Variants in CPNE4 observed in about 807,000 individuals in gnomAD.
The protein encoded by CPNE4 is copine-4.
Under a neutral mutation model 67.9 loss-of-function variants are expected in CPNE4, and 25 were observed. That is an observed-to-expected ratio of 0.37 (90% CI 0.27 to 0.51). The LOEUF is 0.51. Among genes scored for constraint, CPNE4 ranks in the 20% least tolerant of loss-of-function variants. CPNE4 has a pLI of 0.93. For missense variants in CPNE4, 464 were observed against 690.8 expected (o/e 0.67, Z 3.68); for synonymous variants, 242 against 244.9 (o/e 0.99, Z 0.11).
intron 7 of CPNE4, among the ~76,000 whole-genome samples, chr3:131,601,860 G>A (rs1176613385): frequency 6.6e-6 from 1 of 152,156 alleles, no homozygotes; most frequent in Non-Finnish European, 1.5e-5. Flanking sequence ...TGCGGGGGAT[G>A]TTGTAGAGAA....
chr3:131,991,712 A>C (rs2073178294), intron 1 of CPNE4, among the ~76,000 whole-genome samples: 1 of 135,756 alleles, frequency 7.4e-6, no homozygotes, highest in South Asian at 2.6e-4. Context: ...AAATGTCTCC[A>C]GGGCATGTCA....
chr3:131,731,297 C>T (rs192113281), intron 2 of CPNE4, among the ~76,000 whole-genome samples: 1 of 152,332 alleles, frequency 6.6e-6, no homozygotes, highest in East Asian at 1.9e-4. Context: ...GGGTTGCATC[C>T]TTGCTTAGGA....
At chr3:131,902,890 T>A (rs1020991172) in intron 2 of CPNE4, among the ~76,000 whole-genome samples, 1 of 152,230 alleles carries the variant, frequency 6.6e-6, no homozygotes, top group Non-Finnish European at 1.5e-5. Flanking sequence ...TACTATGTAT[T>A]AAGACACCCA....
chr3:131,883,013 G>C lies in CPNE4; in HGVS notation c.180+22251C>G, dbSNP rs1042907114. Among the ~76,000 whole-genome samples, 4 of 152,088 alleles carry C rather than the reference G, an allele frequency of 2.6e-5. No homozygotes were observed. In the East Asian group the frequency reaches 7.7e-4, roughly 29 times the overall value. On this transcript the variant is annotated intron_variant, in intron 2 of 15. Coordinates refer to ENST00000429747, the MANE Select transcript of CPNE4 (RefSeq NM_130808.3). ...ATTACAGGCGTGAGCCACCATGCCA[G>C]GCCAGTTCTGCTCTACTTTCAATGG...
chr3:131,762,912 GA>G (rs5852642), intron 2 of CPNE4, among the ~76,000 whole-genome samples: 57,742 of 146,832 alleles, frequency 0.39, 11,431 homozygotes, highest in Middle Eastern at 0.49. Flanking sequence ...TGCTACGACA[GA>G]AAAAAAAAAG....
At chr3:131,770,400 G>A (rs1045100708) in intron 2 of CPNE4, among the ~76,000 whole-genome samples, 9 of 152,206 alleles carry the variant, frequency 5.9e-5, no homozygotes, top group Admixed American at 2.0e-4. Flanking sequence ...GTCTAATTGC[G>A]GGTATAGTGA....
intron 2 of CPNE4, among the ~76,000 whole-genome samples, chr3:131,843,971 T>C (rs1009737469): frequency 1.3e-5 from 2 of 152,172 alleles, no homozygotes; most frequent in Non-Finnish European, 1.5e-5. Context: ...CAAATGTCCC[T>C]TGGATAGAGC....
At chr3:131,958,535 C>T (rs2613976) in intron 1 of CPNE4, among the ~76,000 whole-genome samples, 78,450 of 151,280 alleles carry the variant, frequency 0.52, 21,689 homozygotes, top group Admixed American at 0.67. Context: ...AAATCAGAGA[C>T]CTGGAGTCAA....
At chr3:131,991,948 C>G (rs2073184414) in intron 1 of CPNE4, among the ~76,000 whole-genome samples, 1 of 136,330 alleles carries the variant, frequency 7.3e-6, no homozygotes, top group Non-Finnish European at 1.7e-5. Context: ...GGTGTTTGTC[C>G]TACAGATGCA....
intron 7 of CPNE4, among the ~76,000 whole-genome samples, chr3:131,655,857 AC>A (rs1035876393): frequency 2.5e-4 from 38 of 152,292 alleles, no homozygotes; most frequent in African/African-American, 8.9e-4. Context: ...TTAGTACTAG[AC>A]TTAATCCTTG....
At chr3:131,905,652 C>T (rs904642586) in intron 1 of CPNE4, among the ~76,000 whole-genome samples, 1 of 152,156 alleles carries the variant, frequency 6.6e-6, no homozygotes, top group Non-Finnish European at 1.5e-5. Flanking sequence ...TGCTGCTGCA[C>T]TTGGTTAAGA....
chr3:131,672,178 G>A (rs866381339), intron 6 of CPNE4, among the ~76,000 whole-genome samples: 18 of 152,098 alleles, frequency 1.2e-4, no homozygotes, highest in African/African-American at 3.9e-4. Context: ...TTAGAGTACG[G>A]AATAGTACTC....
intron 7 of CPNE4, among the ~76,000 whole-genome samples, chr3:131,606,970 T>A (rs1282279307): frequency 6.6e-6 from 1 of 151,702 alleles, no homozygotes; most frequent in Non-Finnish European, 1.5e-5. Flanking sequence ...TGAGTTATGA[T>A]GCTTAGTTAT....
chr3:132,023,554 C>G (rs930964030), intron 1 of CPNE4, among the ~76,000 whole-genome samples: 17 of 126,014 alleles, frequency 1.3e-4, no homozygotes, highest in Middle Eastern at 5.6e-3. Context: ...GTGGCGGGAT[C>G]TCGGCTCACT....
At chr3:131,804,691 C>T (rs143617121) in intron 2 of CPNE4, among the ~76,000 whole-genome samples, 2 of 152,320 alleles carry the variant, frequency 1.3e-5, no homozygotes, top group African/African-American at 4.8e-5. Flanking sequence ...GTAGAAGTGG[C>T]AGCGTGCCTG....
At chr3:131,604,578 T>C (rs531212755) in intron 7 of CPNE4, among the ~76,000 whole-genome samples, 28 of 152,154 alleles carry the variant, frequency 1.8e-4, no homozygotes, top group African/African-American at 6.5e-4. Context: ...CAGGAAAACA[T>C]GAAAAGAGAG....
chr3:131,620,705 G>A (rs1399425190), intron 7 of CPNE4, among the ~76,000 whole-genome samples: 4 of 152,176 alleles, frequency 2.6e-5, no homozygotes, highest in African/African-American at 9.7e-5. Context: ...CAAAGAAAGA[G>A]ATGCAATAAT....
At chr3:131,707,015 G>A (rs2081430186) in intron 3 of CPNE4, among the ~76,000 whole-genome samples, 1 of 152,122 alleles carries the variant, frequency 6.6e-6, no homozygotes, top group Non-Finnish European at 1.5e-5. Flanking sequence ...ATGTTCTCAG[G>A]TTTTCCTGAA....
intron 1 of CPNE4, among the ~76,000 whole-genome samples, chr3:132,006,416 A>G (rs573579396): frequency 2.6e-5 from 4 of 152,294 alleles, no homozygotes; most frequent in African/African-American, 9.6e-5. Context: ...TGCCTTAAGA[A>G]AAATGAACAG....
Sources: gnomAD v4.1 joint callset for allele counts (sites outside exome capture counted in the v4.1 genomes callset) on GRCh38, gnomAD v4.1.1 for gene constraint, MANE v1.5 for transcripts, NCBI Gene and HGNC (gene_info 2026-07-23, HGNC 2026-07-21) for gene names.